Variants in CLASP1 observed in about 807,000 individuals in gnomAD.
CLASP1 encodes the protein CLIP-associating protein 1.
A neutral mutation model predicts 192.3 loss-of-function variants in CLASP1; 38 were observed. The ratio of observed to expected loss-of-function variants is 0.20; its 90% CI spans 0.15 to 0.26. CLASP1 has a LOEUF of 0.26. Ranked by LOEUF, CLASP1 falls within the 10% of genes least tolerant of loss-of-function variation. CLASP1 has a pLI of 1.00. For missense variants in CLASP1, 1,433 were observed against 1,932.5 expected (o/e 0.74, Z 4.85); for synonymous variants, 691 against 712.8 (o/e 0.97, Z 0.49).
intron 19 of CLASP1, among the ~76,000 whole-genome samples, chr2:121,433,148 C>T (rs2081731685): frequency 6.6e-6 from 1 of 151,768 alleles, no homozygotes; most frequent in Admixed American, 6.6e-5. Flanking sequence ...GTGGAGAAAC[C>T]CCATTTCTAC....
At chr2:121,389,704 G>A (rs1221211157) in intron 30 of CLASP1, among the ~76,000 whole-genome samples, 1 of 152,136 alleles carries the variant, frequency 6.6e-6, no homozygotes, top group African/African-American at 2.4e-5. Flanking sequence ...TTATTTAAGA[G>A]ACAATATTTC....
intron 7 of CLASP1, among the ~76,000 whole-genome samples, chr2:121,511,585 T>A (rs1191712150): frequency 2.8e-5 from 4 of 142,398 alleles, no homozygotes; most frequent in Admixed American, 7.1e-5. Flanking sequence ...CGAAACTCCA[T>A]CTCAAAAAAA....
intron 2 of CLASP1, among the ~76,000 whole-genome samples, chr2:121,539,711 T>C (rs2095186120): frequency 6.6e-6 from 1 of 151,688 alleles, no homozygotes; most frequent in African/African-American, 2.4e-5. Context: ...GAAGAAGATA[T>C]TACAAAACAA....
intron 22 of CLASP1, among the ~76,000 whole-genome samples, chr2:121,419,814 G>A (rs192194926): frequency 7.2e-5 from 11 of 152,164 alleles, no homozygotes; most frequent in African/African-American, 1.7e-4. Context: ...GACAATATAC[G>A]TTTCCATCCT....
At chr2:121,469,696 T>G (rs2090319135) in intron 9 of CLASP1, 112 bp downstream of exon 9, 1 of 987,644 alleles carries the variant, frequency 1.0e-6, no homozygotes, top group Non-Finnish European at 1.4e-6. Flanking sequence ...AGAAACCTGC[T>G]GCATATGGGG....
chr2:121,421,799 T>C (rs2079551359), intron 22 of CLASP1, among the ~76,000 whole-genome samples: 1 of 152,176 alleles, frequency 6.6e-6, no homozygotes, highest in South Asian at 2.1e-4. Flanking sequence ...CACCTCGGCC[T>C]CCCGAAGTGC....
chr2:121,366,855 AATAC>A (rs757644901), intron 35 of CLASP1, among the ~76,000 whole-genome samples: 28 of 152,332 alleles, frequency 1.8e-4, no homozygotes, highest in Non-Finnish European at 2.5e-4. Context: ...CCATTGTACA[AATAC>A]ATACTCATCA....
intron 7 of CLASP1, among the ~76,000 whole-genome samples, chr2:121,510,349 G>C (rs1480591691): frequency 2.0e-5 from 3 of 152,148 alleles, no homozygotes; most frequent in Non-Finnish European, 2.9e-5. Flanking sequence ...TAAGAACCTT[G>C]AAAGGGAAGG....
chr2:121,506,768 G>T lies in CLASP1; in HGVS notation c.645-3534C>A, dbSNP rs78252583. Reference sequence around the variant, plus strand: ...AACACAGAGCCAGTCAGTAGAGGCTGGGAGACTTACTGGTTCAACATGTTT... The same window carrying T: ...AACACAGAGCCAGTCAGTAGAGGCTTGGAGACTTACTGGTTCAACATGTTT... On this transcript the variant is annotated intron_variant, in intron 7 of 39. Coordinates refer to ENST00000263710, the Ensembl canonical transcript of CLASP1. Among the ~76,000 whole-genome samples the T allele has an allele frequency of 6.5e-3, 988 of 152,262 alleles. 6 individuals carry two copies. The highest frequency in any genetic ancestry group is 0.037 in the Middle Eastern group (11 of 294).
intron 34 of CLASP1, among the ~76,000 whole-genome samples, chr2:121,376,959 A>G (rs918600503): frequency 1.3e-5 from 2 of 152,222 alleles, no homozygotes; most frequent in African/African-American, 4.8e-5. Context: ...CTGATTCTAC[A>G]TCATAGTGAG....
chr2:121,571,069 T>C (rs1395816161), intron 2 of CLASP1, among the ~76,000 whole-genome samples: 2 of 152,076 alleles, frequency 1.3e-5, no homozygotes, highest in African/African-American at 4.8e-5. Context: ...TTTCTGTTTT[T>C]TTAATGACAA....
chr2:121,641,284 A>G (rs1455226187), intron 1 of CLASP1, among the ~76,000 whole-genome samples: 1 of 151,782 alleles, frequency 6.6e-6, no homozygotes, highest in Non-Finnish European at 1.5e-5. Flanking sequence ...TAGTCCCCAG[A>G]GGCTGCTCTC....
At chr2:121,415,693 A>G (rs921379423) in intron 23 of CLASP1, among the ~76,000 whole-genome samples, 1 of 152,230 alleles carries the variant, frequency 6.6e-6, no homozygotes, top group African/African-American at 2.4e-5. Flanking sequence ...CAGTGATTAT[A>G]CCACAGAAAA....
chr2:121,584,724 C>T (rs1171330841), intron 2 of CLASP1, among the ~76,000 whole-genome samples: 3 of 152,134 alleles, frequency 2.0e-5, no homozygotes, highest in Non-Finnish European at 4.4e-5. Context: ...AGAAACCTGG[C>T]CCAGTAGCCT....
At chr2:121,347,115 C>T in exon 39 of CLASP1, 2 of 1,585,288 alleles carry the variant, frequency 1.3e-6, no homozygotes, top group African/African-American at 1.3e-5. Context: ...AAGCAAAACA[C>T]GCTGGCCTTA....
chr2:121,608,414 G>A (rs1428543339), intron 1 of CLASP1, among the ~76,000 whole-genome samples: 1 of 152,136 alleles, frequency 6.6e-6, no homozygotes, highest in African/African-American at 2.4e-5. Flanking sequence ...ACAAAAGCAA[G>A]CAAAGACTTG....
Position 121,427,387 on chromosome 2 carries a change from G to A in CLASP1, c.2044+17C>T, listed in dbSNP as rs1369570015. The A allele has an allele frequency of 1.9e-6, 3 of 1,612,248 alleles. No individual in the cohort carries two copies. In the Admixed American group the frequency reaches 5.0e-5, roughly 27 times the overall value. On this transcript the variant is annotated intron_variant, in intron 21 of 39. Transcript: ENST00000263710. Reference sequence around the variant, plus strand: ...CAACAACAACAACAAAAAAAGGCAAGAAGAGAAATGGCTTACCACCAGCAG... The same window carrying A: ...CAACAACAACAACAAAAAAAGGCAAAAAGAGAAATGGCTTACCACCAGCAG...
chr2:121,640,212 G>C (rs2071770868), intron 1 of CLASP1, among the ~76,000 whole-genome samples: 1 of 149,624 alleles, frequency 6.7e-6, no homozygotes, highest in South Asian at 2.1e-4. Context: ...ACACACTAGG[G>C]TCTGCCATGG....
chr2:121,580,885 G>A (rs769963199), intron 2 of CLASP1, among the ~76,000 whole-genome samples: 1 of 152,072 alleles, frequency 6.6e-6, no homozygotes, highest in Non-Finnish European at 1.5e-5. Flanking sequence ...ATTCCTGTCT[G>A]AGAAAAAATA....
Sources: allele counts gnomAD v4.1 joint callset (sites outside exome capture counted in the v4.1 genomes callset), GRCh38; gene constraint gnomAD v4.1.1; transcripts MANE v1.5; gene names NCBI Gene and HGNC (gene_info 2026-07-23, HGNC 2026-07-21).